PRUNE2: variants seen among roughly 807,000 people sequenced by gnomAD.
PRUNE2 encodes the protein prune homolog 2 with BCH domain.
Under a neutral mutation model 252.0 loss-of-function variants are expected in PRUNE2, and 164 were observed. The ratio of observed to expected loss-of-function variants is 0.65; its 90% CI spans 0.57 to 0.74. PRUNE2 has a LOEUF of 0.74. Among genes scored for constraint, PRUNE2 ranks in the 30% least tolerant of loss-of-function variants. PRUNE2 has a pLI of 0.00. For synonymous variants in PRUNE2, 1,292 were observed against 1,350.2 expected, an observed-to-expected ratio of 0.96 and a Z score of 0.94; for missense variants, 3,495 against 3,711.0, an observed-to-expected ratio of 0.94 and a Z score of 1.51.
rs754366192 is a variant in PRUNE2 at position 76,710,173 on chromosome 9, A to C, written c.2101T>G (p.Ser701Ala). 6.2e-7 allele frequency: 1 copy of C among 1,613,866 alleles called. No homozygotes were observed. The highest frequency in any genetic ancestry group is 8.5e-7 in the Non-Finnish European group (1 of 1,179,846). Residue 701 changes from serine to alanine, a missense_variant, in exon 8 of 19, where the codon TCT (serine) becomes GCT (alanine). Physicochemically the swap from Ser to Ala is moderately conservative, Grantham distance 99. Transcript: ENST00000376718. The part of the protein sequence containing the change: ...PSSIDRRASD[S>A]VFQPKSLEFT... ...TCGAGGCTCTTTGGTTGAAATACAG[A>C]ATCTGAGGCTCTCCTATCAATGGAG...
chr9:76,642,001 T>TAAAAAAAAAAAAAAAAAAAGA, intron 12 of PRUNE2: 2 of 1,010,460 alleles, frequency 2.0e-6, no homozygotes, highest in South Asian at 1.7e-5. Flanking sequence ...ATAAGAGAAG[T>TAAAAAAAAAAAAAAAAAAAGA]AAAAAAAAAA....
At chr9:76,802,647 G>A (rs1197940885) in intron 6 of PRUNE2, among the ~76,000 whole-genome samples, 1 of 152,022 alleles carries the variant, frequency 6.6e-6, no homozygotes, top group Non-Finnish European at 1.5e-5. Context: ...GAGAAAGTTT[G>A]CAAATATCCA....
intron 6 of PRUNE2, among the ~76,000 whole-genome samples, chr9:76,819,781 T>C (rs1191731768): frequency 6.6e-6 from 1 of 152,216 alleles, no homozygotes; most frequent in Non-Finnish European, 1.5e-5. Context: ...GAACCATTAA[T>C]GTACTGCCGT....
chr9:76,619,989 TAA>T (rs1395517311), intron 17 of PRUNE2, among the ~76,000 whole-genome samples: 2 of 152,170 alleles, frequency 1.3e-5, no homozygotes, highest in African/African-American at 4.8e-5. Flanking sequence ...AAATAATAAA[TAA>T]AAGTGTTTTT....
chr9:76,727,930 G>T (rs534563888), intron 6 of PRUNE2, among the ~76,000 whole-genome samples: 48 of 151,924 alleles, frequency 3.2e-4, no homozygotes, highest in African/African-American at 1.2e-3. Flanking sequence ...TGTCCAGGCT[G>T]GTCTTGAACT....
Position 76,637,298 on chromosome 9 carries a change from A to C in PRUNE2, c.8963+120T>G. ...AATAGCAACTTAGACAATTTATTTG[A>C]TCTTATTGAGACTTGGTTTCTTCTT... On this transcript the variant is annotated intron_variant, in intron 14 of 18. Transcript: ENST00000376718. 1.7e-5 allele frequency: 16 copies of C among 956,944 alleles called. No homozygotes were observed. In the South Asian group the frequency reaches 2.5e-4, roughly 15 times the overall value. 59.3% of individuals were successfully genotyped at this position (956,944 alleles called of 1,614,324 possible).
intron 6 of PRUNE2, among the ~76,000 whole-genome samples, chr9:76,772,121 C>T (rs1383797481): frequency 6.6e-6 from 1 of 152,150 alleles, no homozygotes; most frequent in Non-Finnish European, 1.5e-5. Context: ...GCCACCCTTC[C>T]GCCCTTGTAA....
At chr9:76,734,700 T>C (rs1017155262) in intron 6 of PRUNE2, among the ~76,000 whole-genome samples, 43 of 152,344 alleles carry the variant, frequency 2.8e-4, no homozygotes, top group African/African-American at 1.0e-3. Flanking sequence ...TAACTTCATA[T>C]GGCTGACATG....
chr9:76,812,010 AAG>A (rs1402586521), intron 6 of PRUNE2, among the ~76,000 whole-genome samples: 2 of 152,208 alleles, frequency 1.3e-5, no homozygotes, highest in African/African-American at 4.8e-5. Flanking sequence ...AAGAAAAGGA[AAG>A]AGGGGAAGTG....
chr9:76,830,367 T>C (rs2058598879), intron 4 of PRUNE2, among the ~76,000 whole-genome samples: 3 of 152,138 alleles, frequency 2.0e-5, no homozygotes, highest in Non-Finnish European at 4.4e-5. Context: ...AAAGAAAAAC[T>C]GTGGGTTGGG....
At position 76,707,015 on chromosome 9, in the gene PRUNE2, T is replaced by G; in HGVS notation, c.5259A>C (p.Ser1753=). 1.2e-6 allele frequency: 2 copies of G among 1,614,058 alleles called. 1 individual carries two copies. The highest frequency in any genetic ancestry group is 3.3e-4 in the Middle Eastern group (2 of 6,062). The stretch of plus-strand genomic sequence containing the variant: ...TTTGTTGATTGTCACAGAATGGGTT[T>G]GACTTATTCTCATTCTCTGCTGGCT... ...SSEPAENENK[S]NPFCDNQQSS... Residue 1753 remains serine, a synonymous_variant, in exon 8 of 19, where the codon TCA becomes TCC. Coordinates refer to ENST00000376718, the MANE Select transcript of PRUNE2 (RefSeq NM_015225.3).
intron 2 of PRUNE2, among the ~76,000 whole-genome samples, chr9:76,851,398 A>T (rs1325274739): frequency 6.6e-6 from 1 of 152,296 alleles, no homozygotes; most frequent in Admixed American, 6.5e-5. Flanking sequence ...ATACAAAAAA[A>T]TTAGCCGGGC....
At chr9:76,865,705 A>G (rs2060795822) in intron 1 of PRUNE2, among the ~76,000 whole-genome samples, 1 of 152,150 alleles carries the variant, frequency 6.6e-6, no homozygotes, top group Admixed American at 6.6e-5. Flanking sequence ...CCTTGTTAAT[A>G]GCACAAAAGT....
chr9:76,703,759 G>A lies in PRUNE2; in HGVS notation c.7854C>T (p.Ser2618=), dbSNP rs374821515. ...GLSAEKMSSK[S]DTRSSFESPA... ...GGCTTTCAAAAGATGATCTCGTATC[G>A]CTTTTAGAAGACATTTTCTCTGCAG... is the stretch of plus-strand genomic sequence containing the variant. The change falls in exon 9 of 19, where the codon AGC becomes AGT. Residue 2618 remains serine (S), a synonymous_variant. Transcript: ENST00000376718. The A allele has an allele frequency of 6.9e-5, 111 of 1,613,466 alleles. No individual in the cohort carries two copies. The Middle Eastern group carries it at 2.1e-3, about 31-fold the overall frequency.
Position 76,706,789 on chromosome 9 carries a change from A to G in PRUNE2, c.5485T>C (p.Trp1829Arg). Residue 1829 changes from tryptophan to arginine, a missense_variant, in exon 8 of 19, where the codon TGG (tryptophan) becomes CGG (arginine). Coordinates refer to ENST00000376718, the MANE Select transcript of PRUNE2 (RefSeq NM_015225.3). The stretch of plus-strand genomic sequence containing the variant: ...CCTTCCTGGGGTGAGGCCTTCCACC[A>G]CTCAGTGCTATCAGCTGAGAAGCCC... ...MLGFSADSTE[W>R]WKASPQEGRL... 6.2e-7 allele frequency: 1 copy of G among 1,609,994 alleles called. No individual in the cohort carries two copies. Among genetic ancestry groups the G allele is most frequent in the African/African-American group, 1.3e-5 (1 of 74,948 alleles).
intron 1 of PRUNE2, among the ~76,000 whole-genome samples, chr9:76,894,098 A>C (rs1382061601): frequency 6.6e-6 from 1 of 152,192 alleles, no homozygotes; most frequent in Non-Finnish European, 1.5e-5. Context: ...AAAGAGAAAA[A>C]ACGAGTTCTC....
intron 6 of PRUNE2, among the ~76,000 whole-genome samples, chr9:76,749,127 G>A (rs374751257): frequency 6.6e-6 from 1 of 152,136 alleles, no homozygotes; most frequent in Non-Finnish European, 1.5e-5. Context: ...ACAAGACGTC[G>A]GTTCCATGTA....
chr9:76,725,303 T>C (rs2048015076), intron 6 of PRUNE2, among the ~76,000 whole-genome samples: 1 of 152,226 alleles, frequency 6.6e-6, no homozygotes, highest in Non-Finnish European at 1.5e-5. Flanking sequence ...TCAAACTGTC[T>C]CTTTTGTTCC....
intron 6 of PRUNE2, chr9:76,739,391 G>A (rs2049368025): frequency 6.6e-6 from 1 of 152,112 alleles, no homozygotes; most frequent in Admixed American, 6.5e-5. Context: ...CTCAATAAAT[G>A]ACACTATTAA....
Sources: gnomAD v4.1 joint callset for allele counts (sites outside exome capture counted in the v4.1 genomes callset) on GRCh38, gnomAD v4.1.1 for gene constraint, MANE v1.5 for transcripts, NCBI Gene and HGNC (gene_info 2026-07-23, HGNC 2026-07-21) for gene names.